Variants in ADGRD1 observed in about 807,000 individuals in gnomAD.
ADGRD1 encodes the protein G-protein coupled receptor 133.
A neutral mutation model predicts 113.4 loss-of-function variants in ADGRD1; 77 were observed. The ratio of observed to expected loss-of-function variants is 0.68; its 90% CI spans 0.57 to 0.82. The LOEUF is 0.82. Ranked by LOEUF, ADGRD1 falls within the 40% of genes least tolerant of loss-of-function variation. The probability of loss-of-function intolerance (pLI) is 0.00; values close to 1 mark genes in which losing one functional copy is unlikely to be tolerated. For missense variants in ADGRD1, 1,036 were observed against 1,139.1 expected (o/e 0.91, Z 1.30); for synonymous variants, 474 against 475.0 (o/e 1.00, Z 0.03).
At chr12:131,014,459 T>C in intron 13 of ADGRD1, 119 bp downstream of exon 13, 1 of 891,076 alleles carries the variant, frequency 1.1e-6, no homozygotes, top group East Asian at 2.7e-5. Context: ...CGGCCCGAAC[T>C]GGAATCTTCC....
intron 8 of ADGRD1, 94 bp from the exon 9 acceptor site, chr12:131,000,289 T>C (rs565385933): frequency 3.8e-5 from 34 of 904,860 alleles, no homozygotes; most frequent in Admixed American, 1.0e-4. Flanking sequence ...TGGTGGTTGA[T>C]AGAGACCCAT....
At chr12:131,028,218 C>T (rs1045607489) in intron 13 of ADGRD1, among the ~76,000 whole-genome samples, 1 of 151,992 alleles carries the variant, frequency 6.6e-6, no homozygotes, top group Non-Finnish European at 1.5e-5. Flanking sequence ...TGTTGGTGAC[C>T]TTTTTATGTT....
chr12:131,009,010 T>C lies in ADGRD1; in HGVS notation c.1331+2963T>C, dbSNP rs372705812. On this transcript the variant is annotated intron_variant, in intron 12 of 24. Transcript: ENST00000261654. Reference sequence around the variant, plus strand: ...AACTGACCCAGGCAGAAGCTATCAGTGGATGTGCACACCAGCGGGAGCAGG... The same window carrying C: ...AACTGACCCAGGCAGAAGCTATCAGCGGATGTGCACACCAGCGGGAGCAGG... Among the ~76,000 whole-genome samples the C allele has an allele frequency of 3.9e-5, 6 of 152,308 alleles. No homozygotes were observed. In the East Asian group the frequency reaches 5.8e-4, roughly 15 times the overall value.
rs557078597 is a variant in ADGRD1 at position 130,954,788 on chromosome 12, C to T, written c.103+128C>T. On this transcript the variant is annotated intron_variant, in intron 2 of 24. Transcript: ENST00000261654. The surrounding 1 kb of genome is among the most constrained non-coding windows in gnomAD (Gnocchi z 4.7). ...CCCTTGTTGGGCTCCTGGTCCCCGA[C>T]CTCACTGCCTCACCACACACTGTGA... The T allele has an allele frequency of 2.2e-5, 18 of 806,314 alleles. No homozygotes were observed. The African/African-American group carries it at 2.8e-4, about 13-fold the overall frequency. The allele number at this position is 806,314 out of a possible 1,614,324, so 49.9% of individuals were successfully genotyped here.
At chr12:130,960,535 T>A (rs958853056) in intron 2 of ADGRD1, among the ~76,000 whole-genome samples, 4 of 151,470 alleles carry the variant, frequency 2.6e-5, no homozygotes, top group African/African-American at 9.7e-5. Context: ...ATACAGATAA[T>A]TATATTCTAT....
At chr12:131,120,794 C>T (rs980553326) in intron 19 of ADGRD1, 53 bp from the exon 20 acceptor site, 13 of 1,576,906 alleles carry the variant, frequency 8.2e-6, no homozygotes, top group East Asian at 2.2e-5. Context: ...GATGAAGGTA[C>T]GCTGGCAGGT....
At chr12:131,026,290 T>A (rs1879937820) in intron 13 of ADGRD1, 1 of 152,020 alleles carries the variant, frequency 6.6e-6, no homozygotes, top group Non-Finnish European at 1.5e-5. Context: ...CTCCTGCCCT[T>A]CTGAGCTGGA....
At chr12:130,957,987 G>A (rs1869862772) in intron 2 of ADGRD1, 1 of 152,040 alleles carries the variant, frequency 6.6e-6, no homozygotes, top group African/African-American at 2.4e-5. Flanking sequence ...TTAGAATAAT[G>A]GTGAAGGTGG....
rs1886310657 is a variant in ADGRD1 at position 131,084,505 on chromosome 12, G to C, written c.1548-35G>C. 2 of 1,613,262 alleles carry C rather than the reference G, an allele frequency of 1.2e-6. No individual in the cohort carries two copies. Among genetic ancestry groups the C allele is most frequent in the African/African-American group, 2.7e-5 (2 of 74,806 alleles). ...GTCCCCTGCCTGCCAAGGGTGCGGT[G>C]CTACCTCCTCTGATCCTTTCTCCTG... On this transcript the variant is annotated intron_variant, in intron 14 of 24. Transcript: ENST00000261654. The surrounding 1 kb of genome is among the most constrained non-coding windows in gnomAD (Gnocchi z 4.5).
chr12:130,971,697 G>A lies in ADGRD1; in HGVS notation c.310+117G>A, dbSNP rs2136536293. ...TTCTCATCAATTGCAGAATGCGTGA[G>A]AATGTCAACGATGGATCGGAGGGCA... On this transcript the variant is annotated intron_variant, in intron 4 of 24. Transcript: ENST00000261654. This position sits in a 1 kb window ranked among gnomAD's most constrained non-coding sequence, Gnocchi z 4.2. 9.5e-7 allele frequency: 1 copy of A among 1,055,986 alleles called. No homozygotes were observed. The highest frequency in any genetic ancestry group is 1.6e-5 in the African/African-American group (1 of 62,656). The allele number at this position is 1,055,986 out of a possible 1,614,324, so 65.4% of individuals were successfully genotyped here.
chr12:131,066,956 G>C (rs1440472149), intron 13 of ADGRD1, among the ~76,000 whole-genome samples: 1 of 152,214 alleles, frequency 6.6e-6, no homozygotes, highest in Non-Finnish European at 1.5e-5. Flanking sequence ...CGGAGGGTCT[G>C]AGCAGAGGGA....
intron 8 of ADGRD1, among the ~76,000 whole-genome samples, chr12:130,996,213 A>G (rs1379246954): frequency 1.7e-5 from 2 of 119,392 alleles, no homozygotes; most frequent in African/African-American, 6.9e-5. Flanking sequence ...TGATTTCTCA[A>G]TCTTTTCCCC....
intron 15 of ADGRD1, among the ~76,000 whole-genome samples, chr12:131,094,200 C>T (rs1887120269): frequency 1.3e-5 from 2 of 152,312 alleles, no homozygotes; most frequent in South Asian, 4.1e-4. Context: ...CACTGCCTGA[C>T]AGAGTGAAGT....
chr12:130,985,524 A>G (rs891521238), intron 5 of ADGRD1, among the ~76,000 whole-genome samples: 5 of 150,266 alleles, frequency 3.3e-5, no homozygotes, highest in Non-Finnish European at 7.4e-5. Context: ...TCCATTTTGA[A>G]TTAATTTTTA....
At chr12:131,014,172 T>C in intron 12 of ADGRD1, 27 bp from the exon 13 acceptor site, 1 of 1,609,386 alleles carries the variant, frequency 6.2e-7, no homozygotes, top group Non-Finnish European at 8.5e-7. Context: ...GTTTCCCATT[T>C]TGTAATGATT....
chr12:131,005,082 A>G (rs1045995506), intron 11 of ADGRD1, among the ~76,000 whole-genome samples: 11 of 152,162 alleles, frequency 7.2e-5, no homozygotes, highest in African/African-American at 2.7e-4. Context: ...CTCATCAGAC[A>G]TCTCTCTCTG....
At chr12:130,996,386 GCGGC>G (rs1426097468) in intron 8 of ADGRD1, among the ~76,000 whole-genome samples, 3 of 121,456 alleles carry the variant, frequency 2.5e-5, no homozygotes, top group African/African-American at 9.2e-5. Context: ...CCTGGACGGG[GCGGC>G]TGGCCGGGCG....
intron 13 of ADGRD1, among the ~76,000 whole-genome samples, chr12:131,033,179 C>CT (rs1880991132): frequency 6.7e-6 from 1 of 150,322 alleles, no homozygotes; most frequent in South Asian, 2.2e-4. Flanking sequence ...TGCCCGAGCT[C>CT]TTTTTTTGTG....
intron 15 of ADGRD1, among the ~76,000 whole-genome samples, chr12:131,093,037 C>T (rs1181339609): frequency 6.6e-6 from 1 of 152,036 alleles, no homozygotes; most frequent in Non-Finnish European, 1.5e-5. Flanking sequence ...CTCCCCGTAC[C>T]ACAAGCAGCT....
Sources: allele counts gnomAD v4.1 joint callset (sites outside exome capture counted in the v4.1 genomes callset), GRCh38; gene constraint gnomAD v4.1.1; non-coding constraint Gnocchi (gnomAD v3.1); transcripts MANE v1.5; gene names NCBI Gene and HGNC (gene_info 2026-07-23, HGNC 2026-07-21).